Variants in GNG2 observed in about 807,000 individuals in gnomAD.
GNG2 encodes the protein G protein subunit gamma 2.
Under a neutral mutation model 5.5 loss-of-function variants are expected in GNG2, and 5 were observed. That is an observed-to-expected ratio of 0.91 (90% CI 0.48 to 1.92). The LOEUF (loss-of-function observed/expected upper bound fraction) is 1.92, where lower values mean the gene tolerates loss of function less well. GNG2 is among the 30% of genes most tolerant of loss of function. GNG2 has a pLI of 0.01. For missense variants in GNG2, 55 were observed against 88.4 expected, an observed-to-expected ratio of 0.62 and a Z score of 1.52; for synonymous variants, 28 against 32.0, an observed-to-expected ratio of 0.88 and a Z score of 0.42.
intron 2 of GNG2, among the ~76,000 whole-genome samples, chr14:51,923,004 A>G (rs901172589): frequency 4.6e-5 from 7 of 152,238 alleles, no homozygotes; most frequent in African/African-American, 1.7e-4. Flanking sequence ...ACGTTTTGTT[A>G]GCAAGGCAGT....
intron 2 of GNG2, among the ~76,000 whole-genome samples, chr14:51,843,308 CTT>C (rs1365375626): frequency 6.6e-6 from 1 of 152,186 alleles, no homozygotes; most frequent in East Asian, 1.9e-4. Flanking sequence ...TTCTCTCTCT[CTT>C]ACCTCCTCAC....
chr14:51,908,736 A>ATTTTTT (rs3030340), intron 2 of GNG2, among the ~76,000 whole-genome samples: 12 of 89,880 alleles, frequency 1.3e-4, no homozygotes, highest in African/African-American at 2.5e-4. Flanking sequence ...CACCCAGCTA[A>ATTTTTT]TTTTTTTTTT....
intron 1 of GNG2, among the ~76,000 whole-genome samples, chr14:51,876,890 G>A (rs971478306): frequency 6.6e-6 from 1 of 152,194 alleles, no homozygotes; most frequent in African/African-American, 2.4e-5. Context: ...GAATGGGAAA[G>A]TGTTCCTTGA....
chr14:51,827,543 T>A, intron 1 of GNG2: 3 of 578,308 alleles, frequency 5.2e-6, no homozygotes, highest in South Asian at 4.0e-5. Context: ...AAGCTAGGAG[T>A]GGTATTTTTT....
rs1259154513 is a variant in GNG2 at position 51,969,245 on chromosome 14, G to A, written c.*2558G>A. 2 of 152,114 alleles carry A rather than the reference G, an allele frequency of 1.3e-5. No homozygotes were observed. The highest frequency in any genetic ancestry group is 2.4e-5 in the African/African-American group (1 of 41,424). The allele number at this position is 152,114 out of a possible 1,614,324, so 9.4% of individuals were successfully genotyped here. ...AATCTGCCGTGGAATTAACTAATAA[G>A]TAGTAACAATAAACTTCATATTTAG... On this transcript the variant is annotated 3_prime_UTR_variant, in exon 4 of 4. Coordinates refer to ENST00000556766, the MANE Select transcript of GNG2 (RefSeq NM_053064.5).
At chr14:51,896,078 A>C (rs75367205) in intron 2 of GNG2, among the ~76,000 whole-genome samples, 2,316 of 152,270 alleles carry the variant, frequency 0.015, 62 homozygotes, top group African/African-American at 0.053. Flanking sequence ...CTAACCCTAA[A>C]TAGTCAATGA....
chr14:51,930,145 G>C (rs1887571862), intron 2 of GNG2, among the ~76,000 whole-genome samples: 2 of 152,174 alleles, frequency 1.3e-5, no homozygotes. Context: ...CAATTCCTTT[G>C]TGTGTGCTGC....
chr14:51,828,173 G>C (rs188984148), intron 2 of GNG2, among the ~76,000 whole-genome samples: 49 of 152,350 alleles, frequency 3.2e-4, no homozygotes, highest in African/African-American at 1.2e-3. Context: ...TGTGGTGAAA[G>C]CCACAGTCTC....
At chr14:51,958,769 C>G (rs1317349088) in intron 3 of GNG2, among the ~76,000 whole-genome samples, 1 of 152,128 alleles carries the variant, frequency 6.6e-6, no homozygotes, top group Non-Finnish European at 1.5e-5. Context: ...GATATCCCAT[C>G]ATGAGTCCCT....
intron 2 of GNG2, among the ~76,000 whole-genome samples, chr14:51,843,577 T>TA (rs1007911178): frequency 0.2 from 5,229 of 26,088 alleles, 264 homozygotes; most frequent in Middle Eastern, 0.25. Context: ...AACTTAAAGT[T>TA]AAAAAAAAAA....
At chr14:51,946,121 C>T (rs986516847) in intron 2 of GNG2, among the ~76,000 whole-genome samples, 5 of 152,128 alleles carry the variant, frequency 3.3e-5, no homozygotes, top group Admixed American at 6.5e-5. Context: ...TGTAATGTTT[C>T]GTTTGCTTGA....
intron 1 of GNG2, among the ~76,000 whole-genome samples, chr14:51,872,726 G>C (rs1883393333): frequency 6.6e-6 from 1 of 152,190 alleles, no homozygotes; most frequent in Non-Finnish European, 1.5e-5. Flanking sequence ...ATGGTGCTTA[G>C]TACATAGAAG....
chr14:51,949,853 G>T (rs1344631031), intron 2 of GNG2, among the ~76,000 whole-genome samples: 1 of 152,136 alleles, frequency 6.6e-6, no homozygotes, highest in Non-Finnish European at 1.5e-5. Flanking sequence ...GAAGAGAAAT[G>T]AATGTGGGAT....
rs1392282327 is a variant in GNG2 at position 51,928,111 on chromosome 14, A to G, written c.-29-22539A>G. Among the ~76,000 whole-genome samples the G allele has an allele frequency of 2.1e-5, 3 of 144,136 alleles. No homozygotes were observed. In the East Asian group the frequency reaches 6.1e-4, roughly 29 times the overall value. 94.6% of individuals were successfully genotyped at this position (144,136 alleles called of 152,430 possible). ...AGTGGCAAGATCGTGGCTCACTGCA[A>G]CCTCCACCTCCTGGAATCAAGCAAT... On this transcript the variant is annotated intron_variant, in intron 2 of 3. Transcript: ENST00000556766.
At chr14:51,841,613 C>G (rs1881485067) in intron 2 of GNG2, 2 of 686,774 alleles carry the variant, frequency 2.9e-6, no homozygotes, top group African/African-American at 1.8e-5. Flanking sequence ...TTCAACAGAA[C>G]CATTAAAAGG....
At position 51,845,644 on chromosome 14, in the gene GNG2, A is replaced by G. The variant is rs534089899; in HGVS notation, c.64+17837A>G. 2.6e-5 allele frequency among the ~76,000 whole-genome samples: 4 copies of G among 152,308 alleles called. No individual in the cohort carries two copies. The South Asian group carries it at 6.2e-4, about 24-fold the overall frequency. On this transcript the variant is annotated intron_variant, in intron 2 of 3. Coordinates refer to the GNG2 transcript ENST00000553432. The stretch of plus-strand genomic sequence containing the variant: ...AATACGTTTGGGAAATGCCATTCTT[A>G]TTCTGTAGAACTCCCTCTCAGAGAG...
intron 2 of GNG2, among the ~76,000 whole-genome samples, chr14:51,840,067 G>A (rs1881442685): frequency 6.6e-6 from 1 of 152,250 alleles, no homozygotes; most frequent in South Asian, 2.1e-4. Flanking sequence ...GTACTGTGAA[G>A]GACTCCAGAA....
intron 2 of GNG2, among the ~76,000 whole-genome samples, chr14:51,843,602 T>G (rs7154755): frequency 0.11 from 17,295 of 151,998 alleles, 2,131 homozygotes; most frequent in African/African-American, 0.31. Context: ...CTCAAATATT[T>G]TGAGTGTGTC....
intron 2 of GNG2, among the ~76,000 whole-genome samples, chr14:51,839,847 T>C (rs1266066105): frequency 6.6e-6 from 1 of 152,208 alleles, no homozygotes; most frequent in Non-Finnish European, 1.5e-5. Context: ...TTACTTTTAG[T>C]CATTCAATAT....
Sources: gnomAD v4.1 joint callset for allele counts (sites outside exome capture counted in the v4.1 genomes callset) on GRCh38, gnomAD v4.1.1 for gene constraint, MANE v1.5 for transcripts, NCBI Gene and HGNC (gene_info 2026-07-23, HGNC 2026-07-21) for gene names.